DYNLT5: variants seen among roughly 807,000 people sequenced by gnomAD.
DYNLT5 encodes dynein light chain Tctex-type 5.
Under a neutral mutation model 19.3 loss-of-function variants are expected in DYNLT5, and 25 were observed. The observed-to-expected ratio is 1.30, with a 90% CI of 0.95 to 1.81. The LOEUF is 1.81. Among genes scored for constraint, DYNLT5 ranks in the 40% most tolerant of loss-of-function variants. The pLI, the probability that DYNLT5 is intolerant of heterozygous loss-of-function variation, is 0.00. For synonymous variants in DYNLT5, 82 were observed against 68.9 expected, an observed-to-expected ratio of 1.19 and a Z score of -0.94; for missense variants, 232 against 217.9, an observed-to-expected ratio of 1.06 and a Z score of -0.41.
intron 3 of DYNLT5, among the ~76,000 whole-genome samples, chr1:66,773,916 A>G (rs1204653764): frequency 6.6e-6 from 1 of 152,224 alleles, no homozygotes; most frequent in East Asian, 1.9e-4. Context: ...CTTATTTCAG[A>G]AGTCAGAAAC....
chr1:66,777,623 G>A lies in DYNLT5; in HGVS notation c.*169G>A, dbSNP rs1645245089. On this transcript the variant is annotated 3_prime_UTR_variant, in exon 5 of 5. Coordinates refer to ENST00000282670, the MANE Select transcript of DYNLT5 (RefSeq NM_152665.3). ...TTCTAGTAAAGATTTGGGGAGGGGA[G>A]GGTAGCCACAGAAAGAATCTTGTTT... 1 of 521,382 alleles carries A rather than the reference G, an allele frequency of 1.9e-6. No homozygotes were observed. Among genetic ancestry groups the A allele is most frequent in the Admixed American group, 3.5e-5 (1 of 28,938 alleles). 32.3% of individuals were successfully genotyped at this position (521,382 alleles called of 1,614,324 possible). A position where few individuals can be genotyped will look rare whatever the true frequency, so the allele number is the denominator to read the frequency against.
Position 66,776,373 on chromosome 1 carries a change from C to T in DYNLT5, c.306C>T (p.Leu102=). The change falls in exon 4 of 5, where the codon CTC becomes CTT. Residue 102 remains leucine (L), a synonymous_variant. Coordinates refer to ENST00000282670, the MANE Select transcript of DYNLT5 (RefSeq NM_152665.3). ...AAGTAGAAGAATATGAACCAGAGCT[C>T]TGTAGACAGATGACTAAAACCATTT... is the stretch of plus-strand genomic sequence containing the variant. ...YLQVEEYEPE[L]CRQMTKTISE... 1 of 1,607,840 alleles carries T rather than the reference C, an allele frequency of 6.2e-7. No individual in the cohort carries two copies. The highest frequency in any genetic ancestry group is 8.5e-7 in the Non-Finnish European group (1 of 1,176,730).
chr1:66,763,032 A>C (rs2094648660), intron 2 of DYNLT5, among the ~76,000 whole-genome samples: 1 of 152,222 alleles, frequency 6.6e-6, no homozygotes, highest in Admixed American at 6.5e-5. Context: ...ATAAGTAAAT[A>C]AATGAGATGA....
intron 2 of DYNLT5, among the ~76,000 whole-genome samples, chr1:66,768,359 A>G (rs1291764769): frequency 6.6e-6 from 1 of 152,154 alleles, no homozygotes; most frequent in Non-Finnish European, 1.5e-5. Context: ...TTTCTTCTCT[A>G]TGTTTTTCTG....
At chr1:66,757,753 G>C (rs1246621084) in intron 2 of DYNLT5, among the ~76,000 whole-genome samples, 1 of 152,070 alleles carries the variant, frequency 6.6e-6, no homozygotes, top group Non-Finnish European at 1.5e-5. Context: ...ATCTGCATCT[G>C]TTTTGCTAAA....
At chr1:66,755,476 G>A (rs751724601) in intron 2 of DYNLT5, among the ~76,000 whole-genome samples, 7 of 152,062 alleles carry the variant, frequency 4.6e-5, no homozygotes, top group Non-Finnish European at 7.4e-5. Flanking sequence ...ACAAATTATC[G>A]ACGTAGCAGT....
At chr1:66,772,366 T>C (rs1645208966) in intron 3 of DYNLT5, among the ~76,000 whole-genome samples, 1 of 152,184 alleles carries the variant, frequency 6.6e-6, no homozygotes, top group Non-Finnish European at 1.5e-5. Context: ...CCAGCTCTCA[T>C]GTGAACTAAT....
chr1:66,774,758 A>G (rs1207655569), intron 3 of DYNLT5, among the ~76,000 whole-genome samples: 1 of 135,658 alleles, frequency 7.4e-6, no homozygotes, highest in African/African-American at 2.7e-5. Flanking sequence ...CTATTCCCCA[A>G]TCTTGGGGTG....
At chr1:66,771,748 A>G (rs1645205454) in intron 3 of DYNLT5, among the ~76,000 whole-genome samples, 1 of 152,172 alleles carries the variant, frequency 6.6e-6, no homozygotes, top group African/African-American at 2.4e-5. Context: ...TGGGGTGTCT[A>G]TGACTTTGAA....
At chr1:66,774,062 T>C (rs761188963) in intron 3 of DYNLT5, among the ~76,000 whole-genome samples, 3 of 151,998 alleles carry the variant, frequency 2.0e-5, no homozygotes, top group Admixed American at 2.0e-4. Flanking sequence ...CTAAGCGAAG[T>C]ATGGAAAGGA....
chr1:66,766,518 G>A (rs1366027342), intron 2 of DYNLT5, among the ~76,000 whole-genome samples: 1 of 152,086 alleles, frequency 6.6e-6, no homozygotes, highest in African/African-American at 2.4e-5. Context: ...ACTGATATTG[G>A]CAATTCCCCA....
At chr1:66,770,647 TAAC>T (rs1215644980) in intron 3 of DYNLT5, 169 bp downstream of exon 3, 1 of 703,706 alleles carries the variant, frequency 1.4e-6, no homozygotes, top group Non-Finnish European at 2.6e-6. Context: ...AGCAAAAAGG[TAAC>T]AACACTTGCT....
intron 2 of DYNLT5, among the ~76,000 whole-genome samples, chr1:66,763,140 T>C (rs1362670168): frequency 6.6e-6 from 1 of 152,230 alleles, no homozygotes; most frequent in African/African-American, 2.4e-5. Flanking sequence ...CCATCAGAGC[T>C]CTTGGGTGAC....
chr1:66,770,245 T>C lies in DYNLT5; in HGVS notation c.120-142T>C. The C allele has an allele frequency of 9.8e-6, 6 of 610,922 alleles. 1 individual carries two copies. In the South Asian group the frequency reaches 1.2e-4, roughly 12 times the overall value. The allele number at this position is 610,922 out of a possible 1,614,324, so 37.8% of individuals were successfully genotyped here. On this transcript the variant is annotated intron_variant, in intron 2 of 4. Coordinates refer to ENST00000282670, the MANE Select transcript of DYNLT5 (RefSeq NM_152665.3). ...TCTAAAATGTTTTGGACTTTCAATA[T>C]GCCACTAGGATATTTACATAAGACT...
chr1:66,768,750 G>A (rs1645184250), intron 2 of DYNLT5: 1 of 152,102 alleles, frequency 6.6e-6, no homozygotes, highest in African/African-American at 2.4e-5. Context: ...AATACCTTCT[G>A]TATTATGCAA....
rs1394939401 is a variant in DYNLT5, at chr1:66,754,745, T to C, written c.87T>C (p.Phe29=). The change falls in exon 2 of 5, where the codon TTT becomes TTC. Residue 29 remains phenylalanine, a synonymous_variant. Transcript: ENST00000282670. ...GSISSLSNHE[F]WRKEIHGRIK... ...TTTCTTCTCTAAGTAATCATGAATT[T>C]TGGCGAAAGGAAATTCATGGGCGCA... The C allele has an allele frequency of 6.2e-7, 1 of 1,612,896 alleles. No individual in the cohort carries two copies. The highest frequency in any genetic ancestry group is 2.2e-5 in the East Asian group (1 of 44,780).
rs868046463 is a variant in DYNLT5, at chr1:66,758,500, T to G, written c.119+3723T>G. On this transcript the variant is annotated intron_variant, in intron 2 of 4. Coordinates refer to ENST00000282670, the MANE Select transcript of DYNLT5 (RefSeq NM_152665.3). The stretch of plus-strand genomic sequence containing the variant: ...GCCTCAAACCAAAATTACAGTGATG[T>G]CATGTTACCAGAACTTTCTGTATGG... 3.3e-5 allele frequency among the ~76,000 whole-genome samples: 5 copies of G among 152,314 alleles called. 1 individual carries two copies. Among genetic ancestry groups the G allele is most frequent in the Middle Eastern group, 6.8e-3 (2 of 294 alleles).
At chr1:66,773,219 G>T (rs377430138) in intron 3 of DYNLT5, among the ~76,000 whole-genome samples, 2 of 152,018 alleles carry the variant, frequency 1.3e-5, no homozygotes, top group East Asian at 3.8e-4. Flanking sequence ...TGCGAGCACC[G>T]AGCCAAACTA....
intron 2 of DYNLT5, among the ~76,000 whole-genome samples, chr1:66,760,227 C>T (rs2094643557): frequency 6.6e-6 from 1 of 152,096 alleles, no homozygotes. Flanking sequence ...ATTTTATTGT[C>T]TATTCTCTGT....
Sources: allele counts gnomAD v4.1 joint callset (sites outside exome capture counted in the v4.1 genomes callset), GRCh38; gene constraint gnomAD v4.1.1; transcripts MANE v1.5; gene names NCBI Gene and HGNC (gene_info 2026-07-23, HGNC 2026-07-21).